Variants in CNTN4 observed in about 807,000 individuals in gnomAD.
CNTN4 encodes contactin-4.
Under a neutral mutation model 122.5 loss-of-function variants are expected in CNTN4, and 77 were observed. That is an observed-to-expected ratio of 0.63 (90% CI 0.52 to 0.76). CNTN4 has a LOEUF of 0.76. Among genes scored for constraint, CNTN4 ranks in the 30% least tolerant of loss-of-function variants. The pLI is 0.00. For missense variants in CNTN4, 1,256 were observed against 1,259.1 expected (o/e 1.00, Z 0.04); for synonymous variants, 512 against 447.0 (o/e 1.15, Z -1.83).
chr3:2,952,728 C>T (rs2094758725), intron 13 of CNTN4, among the ~76,000 whole-genome samples: 1 of 152,136 alleles, frequency 6.6e-6, no homozygotes. Context: ...TTGAACAGTT[C>T]AGTTTCTTCT....
chr3:2,274,923 G>C (rs953057921), intron 2 of CNTN4, among the ~76,000 whole-genome samples: 5 of 152,148 alleles, frequency 3.3e-5, no homozygotes, highest in Admixed American at 6.5e-5. Context: ...TCTTGATACT[G>C]TGTCAAAGGG....
chr3:2,326,108 T>G (rs2150247358), intron 2 of CNTN4, among the ~76,000 whole-genome samples: 1 of 152,314 alleles, frequency 6.6e-6, no homozygotes, highest in South Asian at 2.1e-4. Context: ...ACATTTGAAT[T>G]AGTAGATGGA....
chr3:2,459,611 A>G (rs2049128418), intron 3 of CNTN4, among the ~76,000 whole-genome samples: 1 of 152,094 alleles, frequency 6.6e-6, no homozygotes, highest in South Asian at 2.1e-4. Flanking sequence ...CCCTTTAGAT[A>G]TACTTTGTGA....
At chr3:2,707,521 A>G (rs374817013) in intron 4 of CNTN4, among the ~76,000 whole-genome samples, 5 of 152,202 alleles carry the variant, frequency 3.3e-5, no homozygotes, top group African/African-American at 1.2e-4. Context: ...TTTCAAATTG[A>G]AAGTCCCCTA....
chr3:2,840,104 A>T (rs1032226364), intron 7 of CNTN4, among the ~76,000 whole-genome samples: 2 of 152,068 alleles, frequency 1.3e-5, no homozygotes, highest in African/African-American at 2.4e-5. Flanking sequence ...GGGAAGCCCA[A>T]CCCAATAACT....
At chr3:2,456,222 G>A (rs551008188) in intron 3 of CNTN4, among the ~76,000 whole-genome samples, 198 of 152,072 alleles carry the variant, frequency 1.3e-3, no homozygotes, top group Non-Finnish European at 2.1e-3. Context: ...CCTTATGAGG[G>A]AGTAATTTCC....
chr3:2,175,270 G>GT (rs2036700325), intron 2 of CNTN4, among the ~76,000 whole-genome samples: 1 of 134,502 alleles, frequency 7.4e-6, no homozygotes, highest in Non-Finnish European at 1.8e-5. Flanking sequence ...TGTGACCTTG[G>GT]ATTTTTTTTT....
chr3:2,835,038 G>A (rs1007282392), intron 7 of CNTN4, among the ~76,000 whole-genome samples: 1 of 151,026 alleles, frequency 6.6e-6, no homozygotes, highest in Admixed American at 6.6e-5. Flanking sequence ...CCCAGTAGCT[G>A]GGACTACAGG....
chr3:2,462,540 T>G (rs1034864066), intron 3 of CNTN4, among the ~76,000 whole-genome samples: 7 of 152,246 alleles, frequency 4.6e-5, no homozygotes, highest in African/African-American at 1.7e-4. Context: ...AGCTGATGTT[T>G]CAGGCGTTTT....
intron 4 of CNTN4, among the ~76,000 whole-genome samples, chr3:2,585,036 CAG>C (rs2080123943): frequency 2.0e-5 from 3 of 152,000 alleles, no homozygotes; most frequent in African/African-American, 7.3e-5. Flanking sequence ...ATTTTAAAAA[CAG>C]AGGAAAATAC....
intron 14 of CNTN4, among the ~76,000 whole-genome samples, chr3:2,997,658 A>G (rs1695653821): frequency 6.6e-6 from 1 of 152,220 alleles, no homozygotes; most frequent in African/African-American, 2.4e-5. Flanking sequence ...GATGAAAGCA[A>G]GTTAATTAAC....
intron 2 of CNTN4, among the ~76,000 whole-genome samples, chr3:2,313,203 G>T (rs1271984604): frequency 1.3e-5 from 2 of 151,638 alleles, no homozygotes; most frequent in Non-Finnish European, 2.9e-5. Flanking sequence ...AAAGCAAGAC[G>T]TACATAAACT....
intron 3 of CNTN4, among the ~76,000 whole-genome samples, chr3:2,471,418 T>G (rs1369906338): frequency 2.0e-5 from 3 of 152,270 alleles, no homozygotes; most frequent in African/African-American, 7.2e-5. Flanking sequence ...GCTAGCCTTC[T>G]GCTTCTTGCC....
At chr3:2,185,950 C>CT (rs1250778089) in intron 2 of CNTN4, among the ~76,000 whole-genome samples, 10 of 151,700 alleles carry the variant, frequency 6.6e-5, no homozygotes, top group Non-Finnish European at 2.9e-5. Flanking sequence ...TATTATTATA[C>CT]TTTAAGTTCT....
At chr3:2,704,847 G>C (rs898566924) in intron 4 of CNTN4, among the ~76,000 whole-genome samples, 1 of 152,068 alleles carries the variant, frequency 6.6e-6, no homozygotes, top group Non-Finnish European at 1.5e-5. Context: ...TTTAAGTCTT[G>C]AGAAAACTAT....
intron 4 of CNTN4, among the ~76,000 whole-genome samples, chr3:2,687,497 C>A (rs898691228): frequency 9.9e-5 from 15 of 151,650 alleles, no homozygotes; most frequent in Middle Eastern, 3.4e-3. Flanking sequence ...TCTATGTCTT[C>A]AAAAAAAATA....
chr3:2,242,260 A>G (rs1253037543), intron 2 of CNTN4, among the ~76,000 whole-genome samples: 1 of 152,128 alleles, frequency 6.6e-6, no homozygotes, highest in African/African-American at 2.4e-5. Flanking sequence ...AATGACAACC[A>G]TAATGGCCAC....
chr3:2,140,811 T>C (rs1574924843), intron 2 of CNTN4, among the ~76,000 whole-genome samples: 1 of 152,224 alleles, frequency 6.6e-6, no homozygotes, highest in East Asian at 1.9e-4. Context: ...TTCTTCCTTT[T>C]ATTCCCTGAA....
At chr3:2,267,688 T>C (rs2041107701) in intron 2 of CNTN4, among the ~76,000 whole-genome samples, 1 of 152,076 alleles carries the variant, frequency 6.6e-6, no homozygotes, top group Non-Finnish European at 1.5e-5. Context: ...CTCTAAAACA[T>C]TCTTCTGTAG....
Sources: gnomAD v4.1 joint callset for allele counts (sites outside exome capture counted in the v4.1 genomes callset) on GRCh38, gnomAD v4.1.1 for gene constraint, MANE v1.5 for transcripts, NCBI Gene and HGNC (gene_info 2026-07-23, HGNC 2026-07-21) for gene names.